SYT1: variants seen among roughly 807,000 people sequenced by gnomAD.
SYT1 encodes synaptotagmin-1.
Under a neutral mutation model 44.8 loss-of-function variants are expected in SYT1, and 8 were observed. That is an observed-to-expected ratio of 0.18 (90% CI 0.10 to 0.32). SYT1 has a LOEUF of 0.32. Ranked by LOEUF, SYT1 falls within the 10% of genes least tolerant of loss-of-function variation. SYT1 has a pLI of 1.00. For missense variants in SYT1, 286 were observed against 509.3 expected, an observed-to-expected ratio of 0.56 and a Z score of 4.22; for synonymous variants, 154 against 188.8, an observed-to-expected ratio of 0.82 and a Z score of 1.51.
chr12:79,129,584 CA>C (rs1452117261), intron 3 of SYT1, among the ~76,000 whole-genome samples: 1 of 152,134 alleles, frequency 6.6e-6, no homozygotes, highest in African/African-American at 2.4e-5. Context: ...GATTACTTTG[CA>C]AAATTTGCTG....
chr12:79,284,514 T>C (rs1879206458), intron 4 of SYT1, among the ~76,000 whole-genome samples: 1 of 152,072 alleles, frequency 6.6e-6, no homozygotes, highest in African/African-American at 2.4e-5. Flanking sequence ...CTCTCTGCCT[T>C]ACCCACCATG....
intron 8 of SYT1, among the ~76,000 whole-genome samples, chr12:79,335,505 G>A (rs1007388069): frequency 2.0e-5 from 3 of 151,586 alleles, no homozygotes; most frequent in Middle Eastern, 3.2e-3. Flanking sequence ...ATCTTCTCCA[G>A]GCACCTTTAT....
chr12:78,952,503 G>A (rs553086886), intron 1 of SYT1, among the ~76,000 whole-genome samples: 1 of 152,148 alleles, frequency 6.6e-6, no homozygotes, highest in South Asian at 2.1e-4. Context: ...TTCAAATTCG[G>A]CATGGACTGT....
chr12:79,321,506 T>C (rs772673396), intron 8 of SYT1, among the ~76,000 whole-genome samples: 3 of 152,178 alleles, frequency 2.0e-5, no homozygotes, highest in African/African-American at 4.8e-5. Context: ...TACAGGCAGT[T>C]TGAATTCTAG....
intron 8 of SYT1, among the ~76,000 whole-genome samples, chr12:79,324,753 T>C (rs1326575369): frequency 6.6e-6 from 1 of 151,914 alleles, no homozygotes; most frequent in Non-Finnish European, 1.5e-5. Flanking sequence ...AGAGCCACGT[T>C]GCTGGAAAAA....
chr12:79,318,003 T>A (rs1341431887), intron 8 of SYT1, among the ~76,000 whole-genome samples: 1 of 152,124 alleles, frequency 6.6e-6, no homozygotes, highest in African/African-American at 2.4e-5. Context: ...CTGTGAAGAA[T>A]TGCCCCAAAT....
chr12:79,308,523 A>AGG lies in SYT1; in HGVS notation c.810+8972_810+8973insGG, dbSNP rs1565901117. Among the ~76,000 whole-genome samples the AGG allele has an allele frequency of 1.9e-3, 275 of 144,814 alleles. 1 individual carries two copies. The highest frequency in any genetic ancestry group is 6.8e-3 in the African/African-American group (263 of 38,676). On this transcript the variant is annotated intron_variant, in intron 8 of 10. Transcript: ENST00000261205. ...GAAACTCCGTCAAAAGAAAGAAAGAAAGAAGAAATAAAGAAAGAAAGAAAG... is the reference window on the plus strand; with the variant it reads ...GAAACTCCGTCAAAAGAAAGAAAGAAGGAGAAGAAATAAAGAAAGAAAGAAAG...
intron 3 of SYT1, among the ~76,000 whole-genome samples, chr12:79,137,017 A>G (rs537668078): frequency 3.9e-5 from 6 of 152,306 alleles, no homozygotes; most frequent in South Asian, 4.1e-4. Flanking sequence ...GCTTCCACAA[A>G]CACAATAATA....
rs76463992 is a variant in SYT1, at chr12:79,129,581, T to C, written c.-18+82219T>C. Among the ~76,000 whole-genome samples the C allele has an allele frequency of 3.8e-3, 576 of 152,322 alleles. 6 individuals are homozygous for C. The highest frequency in any genetic ancestry group is 0.014 in the African/African-American group (566 of 41,578). Reference sequence around the variant, plus strand: ...TTGATGTAATCTAGGAGGGATTACTTTGCAAAATTTGCTGTCTAATTCACC... The same window carrying C: ...TTGATGTAATCTAGGAGGGATTACTCTGCAAAATTTGCTGTCTAATTCACC... On this transcript the variant is annotated intron_variant, in intron 3 of 10. Coordinates refer to ENST00000261205, the MANE Select transcript of SYT1 (RefSeq NM_005639.3).
intron 2 of SYT1, among the ~76,000 whole-genome samples, chr12:79,028,989 A>T (rs967937289): frequency 6.6e-6 from 1 of 151,334 alleles, no homozygotes; most frequent in African/African-American, 2.4e-5. Flanking sequence ...TGTTAACAAT[A>T]GTCACAAAAA....
intron 9 of SYT1, among the ~76,000 whole-genome samples, chr12:79,411,014 A>T (rs1868398702): frequency 6.6e-6 from 1 of 152,212 alleles, no homozygotes; most frequent in Non-Finnish European, 1.5e-5. Context: ...ATTAGTCAGT[A>T]TATTAGATAA....
At chr12:78,966,915 T>A (rs1438036110) in intron 1 of SYT1, among the ~76,000 whole-genome samples, 1 of 152,166 alleles carries the variant, frequency 6.6e-6, no homozygotes, top group East Asian at 1.9e-4. Context: ...ACTTTTCCAG[T>A]ATGTTACAGT....
At chr12:79,080,651 G>A (rs1565796846) in intron 3 of SYT1, among the ~76,000 whole-genome samples, 1 of 152,148 alleles carries the variant, frequency 6.6e-6, no homozygotes, top group Non-Finnish European at 1.5e-5. Flanking sequence ...AAAAATTGAT[G>A]AGAATGTACT....
At chr12:78,953,973 T>G (rs1444192008) in intron 1 of SYT1, among the ~76,000 whole-genome samples, 1 of 152,096 alleles carries the variant, frequency 6.6e-6, no homozygotes, top group Non-Finnish European at 1.5e-5. Context: ...GGGTCAGTGA[T>G]ATTAAGGCAA....
intron 3 of SYT1, among the ~76,000 whole-genome samples, chr12:79,213,299 C>T (rs1874574103): frequency 6.6e-6 from 1 of 152,058 alleles, no homozygotes; most frequent in African/African-American, 2.4e-5. Context: ...TCCAAAAACT[C>T]CTCCAAAAAA....
chr12:79,431,517 T>TA (rs544820318), intron 9 of SYT1, among the ~76,000 whole-genome samples: 2 of 141,552 alleles, frequency 1.4e-5, no homozygotes, highest in Admixed American at 7.0e-5. Context: ...TATTTTATTA[T>TA]TTATTTATTT....
At chr12:78,922,606 T>C (rs996642316) in intron 1 of SYT1, among the ~76,000 whole-genome samples, 4 of 151,974 alleles carry the variant, frequency 2.6e-5, no homozygotes, top group South Asian at 2.1e-4. Flanking sequence ...CTTAATATTA[T>C]GAAATCATAG....
intron 4 of SYT1, among the ~76,000 whole-genome samples, chr12:79,260,624 A>G (rs1457628132): frequency 6.6e-6 from 1 of 152,182 alleles, no homozygotes; most frequent in Non-Finnish European, 1.5e-5. Flanking sequence ...GAACTTTCTC[A>G]GGTGGTTGAG....
chr12:78,964,111 T>A (rs992880344), intron 1 of SYT1: 16 of 152,138 alleles, frequency 1.1e-4, no homozygotes, highest in African/African-American at 3.4e-4. Context: ...AACTAATTTT[T>A]AATCATAATT....
Sources: allele counts gnomAD v4.1 joint callset (sites outside exome capture counted in the v4.1 genomes callset), GRCh38; gene constraint gnomAD v4.1.1; transcripts MANE v1.5; gene names NCBI Gene and HGNC (gene_info 2026-07-23, HGNC 2026-07-21).